The following TMEM242 variants were observed in gnomAD, a reference collection of about 807,000 sequenced individuals.
TMEM242 encodes the protein UPF0463 transmembrane protein C6orf35.
Under a neutral mutation model 18.2 loss-of-function variants are expected in TMEM242, and 10 were observed. That is an observed-to-expected ratio of 0.55 (90% CI 0.34 to 0.93). The LOEUF is 0.93. Ranked by LOEUF, TMEM242 falls within the 40% of genes least tolerant of loss-of-function variation. The pLI is 0.02. For synonymous variants in TMEM242, 57 were observed against 69.9 expected (o/e 0.81, Z 0.92); for missense variants, 186 against 175.5 (o/e 1.06, Z -0.34).
rs782568434 is a variant in TMEM242, at chr6:157,290,925, A to C, written c.*1976T>G. On this transcript the variant is annotated 3_prime_UTR_variant, in exon 4 of 4. Transcript: ENST00000400788. The stretch of plus-strand genomic sequence containing the variant: ...TAGACACGAGGCATGCCACTCTAGT[A>C]TTAGGACACTCTTTCAGCAACATAT... The C allele has an allele frequency of 2.0e-5, 3 of 152,216 alleles. No homozygotes were observed. The highest frequency in any genetic ancestry group is 4.4e-5 in the Non-Finnish European group (3 of 68,058). The allele number at this position is 152,216 out of a possible 1,614,324, so 9.4% of individuals were successfully genotyped here.
At chr6:157,312,889 C>T (rs1554249490) in intron 3 of TMEM242, among the ~76,000 whole-genome samples, 2 of 152,118 alleles carry the variant, frequency 1.3e-5, no homozygotes, top group African/African-American at 2.4e-5. Context: ...CACCTAGCCT[C>T]ATCATAGTGT....
chr6:157,300,260 A>C, intron 3 of TMEM242: 2 of 342,882 alleles, frequency 5.8e-6, no homozygotes, highest in Non-Finnish European at 5.5e-6. Flanking sequence ...CTGGCCCTCT[A>C]CTGCGGCTGC....
chr6:157,295,209 C>T (rs1256955954), intron 3 of TMEM242, among the ~76,000 whole-genome samples: 2 of 152,164 alleles, frequency 1.3e-5, no homozygotes, highest in African/African-American at 4.8e-5. Flanking sequence ...TGTATCTGTG[C>T]CAGCCATCTC....
At chr6:157,304,462 CAAAAAAAAAAAA>C (rs782782714) in intron 3 of TMEM242, among the ~76,000 whole-genome samples, 21 of 67,234 alleles carry the variant, frequency 3.1e-4, no homozygotes, top group Non-Finnish European at 4.9e-4. Flanking sequence ...GAGACTCTGT[CAAAAAAAAAAAA>C]AAAAAAAAAA....
chr6:157,319,111 G>C (rs1778455020), intron 2 of TMEM242, among the ~76,000 whole-genome samples, 192 bp from the exon 3 acceptor site: 1 of 152,152 alleles, frequency 6.6e-6, no homozygotes, highest in Non-Finnish European at 1.5e-5. Context: ...GAGTATGCAA[G>C]GCACCTTGCC....
intron 2 of TMEM242, among the ~76,000 whole-genome samples, chr6:157,321,643 C>A (rs1554250750): frequency 6.6e-6 from 1 of 152,114 alleles, no homozygotes; most frequent in African/African-American, 2.4e-5. Flanking sequence ...CTGTTAGACC[C>A]CGAAGAGCAT....
rs1583578872 is a variant in TMEM242, at chr6:157,323,280, G to A, written c.88+132C>T. 4 of 1,028,738 alleles carry A rather than the reference G, an allele frequency of 3.9e-6. No homozygotes were observed. The East Asian group carries it at 9.7e-5, about 25-fold the overall frequency. The allele number at this position is 1,028,738 out of a possible 1,614,324, so 63.7% of individuals were successfully genotyped here. ...CCTCCCTGGGCCGCCAGACTCCGCG[G>A]GCTAAACTCAGGGGCAAGCACAAGC... On this transcript the variant is annotated intron_variant, in intron 1 of 3. Coordinates refer to ENST00000400788, the MANE Select transcript of TMEM242 (RefSeq NM_018452.6).
chr6:157,300,057 G>A, intron 3 of TMEM242: 2 of 798,010 alleles, frequency 2.5e-6, no homozygotes, highest in Non-Finnish European at 4.3e-6. Context: ...CTGGGACACA[G>A]GGACAGGAAA....
chr6:157,295,293 T>A (rs972201514), intron 3 of TMEM242, among the ~76,000 whole-genome samples: 1 of 152,190 alleles, frequency 6.6e-6, no homozygotes, highest in Admixed American at 6.5e-5. Flanking sequence ...CCCTCTTCCA[T>A]AAAGAATTAA....
intron 3 of TMEM242, 104 bp from the exon 4 acceptor site, chr6:157,293,103 A>G: frequency 1.3e-6 from 1 of 750,400 alleles, no homozygotes; most frequent in East Asian, 2.5e-5. Flanking sequence ...CTGCTCACAG[A>G]TACAGAGCTA....
intron 3 of TMEM242, 29 bp downstream of exon 3, chr6:157,318,753 A>C: frequency 6.2e-7 from 1 of 1,612,542 alleles, no homozygotes; most frequent in Non-Finnish European, 8.5e-7. Context: ...AAACATGTAG[A>C]TACCAGGGAC....
intron 3 of TMEM242, among the ~76,000 whole-genome samples, chr6:157,314,288 G>T (rs1778338084): frequency 6.9e-6 from 1 of 145,152 alleles, no homozygotes; most frequent in African/African-American, 2.5e-5. Context: ...TCATCATAGT[G>T]TCGCAGTGTG....
chr6:157,319,900 A>C (rs1778465093), intron 2 of TMEM242, among the ~76,000 whole-genome samples: 1 of 152,140 alleles, frequency 6.6e-6, no homozygotes, highest in African/African-American at 2.4e-5. Context: ...CCTGCCCTTT[A>C]ATGGGGACCA....
chr6:157,293,375 C>CAAAT (rs1777709468), intron 3 of TMEM242, among the ~76,000 whole-genome samples: 1 of 151,794 alleles, frequency 6.6e-6, no homozygotes, highest in Admixed American at 6.6e-5. Flanking sequence ...AACAAACAAA[C>CAAAT]AAACAAACAA....
intron 1 of TMEM242, 25 bp downstream of exon 1, chr6:157,323,387 C>A (rs1554250863): frequency 6.2e-7 from 1 of 1,610,508 alleles, no homozygotes; most frequent in Non-Finnish European, 8.5e-7. Flanking sequence ...CCCCGACGCC[C>A]GCACCTCACC....
chr6:157,308,362 T>C (rs1380544208), intron 3 of TMEM242, among the ~76,000 whole-genome samples: 2 of 152,142 alleles, frequency 1.3e-5, no homozygotes, highest in Non-Finnish European at 2.9e-5. Flanking sequence ...ATAAGGTTAC[T>C]AAGAAGTGAG....
intron 3 of TMEM242, among the ~76,000 whole-genome samples, chr6:157,295,456 C>A (rs2128412739): frequency 6.6e-6 from 1 of 152,294 alleles, no homozygotes; most frequent in East Asian, 1.9e-4. Context: ...TACAACGAAG[C>A]CAGATGACAA....
At chr6:157,302,187 A>G (rs1188336918) in intron 3 of TMEM242, among the ~76,000 whole-genome samples, 1 of 152,228 alleles carries the variant, frequency 6.6e-6, no homozygotes, top group Non-Finnish European at 1.5e-5. Context: ...TGTCAAATTA[A>G]AAACTGCAGT....
chr6:157,317,912 A>G (rs1001382202), intron 3 of TMEM242, among the ~76,000 whole-genome samples: 2 of 152,134 alleles, frequency 1.3e-5, no homozygotes, highest in Admixed American at 6.6e-5. Flanking sequence ...CCTATCTCAA[A>G]CTACTGCCAA....
Sources: allele counts gnomAD v4.1 joint callset (sites outside exome capture counted in the v4.1 genomes callset), GRCh38; gene constraint gnomAD v4.1.1; transcripts MANE v1.5; gene names NCBI Gene and HGNC (gene_info 2026-07-23, HGNC 2026-07-21).